The following ABCA13 variants were observed in gnomAD, a reference collection of about 807,000 sequenced individuals.
ABCA13 encodes the protein ATP-binding cassette sub-family A member 13.
Under a neutral mutation model 478.7 loss-of-function variants are expected in ABCA13, and 476 were observed. That is an observed-to-expected ratio of 0.99 (90% CI 0.92 to 1.07). The LOEUF (loss-of-function observed/expected upper bound fraction) is 1.07. Ranked by LOEUF, ABCA13 falls within the 50% of genes least tolerant of loss-of-function variation. The probability of loss-of-function intolerance (pLI) is 0.00; values close to 1 mark genes in which losing one functional copy is unlikely to be tolerated. For synonymous variants in ABCA13, 2,252 were observed against 2,158.9 expected, an observed-to-expected ratio of 1.04 and a Z score of -1.20; for missense variants, 6,060 against 5,910.6, an observed-to-expected ratio of 1.03 and a Z score of -0.83.
In ABCA13 at chr7:48,271,772, C is replaced by A. The variant is rs1795641759; in HGVS notation, c.2121-15C>A. The A allele has an allele frequency of 7.6e-7, 1 of 1,308,246 alleles. No homozygotes were observed. The allele number at this position is 1,308,246 out of a possible 1,614,324, so 81.0% of individuals were successfully genotyped here. A position where few individuals can be genotyped will look rare whatever the true frequency, so the allele number is the denominator to read the frequency against. ...TTTTTTATTTTATACTAAAATAATT[C>A]TATTAATATTACAGGGCTTTAAATT... On this transcript the variant is annotated splice_polypyrimidine_tract_variant and intron_variant, in intron 16 of 61. Coordinates refer to ENST00000435803, the MANE Select transcript of ABCA13 (RefSeq NM_152701.5).
At chr7:48,412,679 T>A in intron 41 of ABCA13, 96 bp downstream of exon 41, 28 of 494,148 alleles carry the variant, frequency 5.7e-5, no homozygotes, top group East Asian at 1.3e-4. Context: ...GAGATGTGGG[T>A]AAGGGGGAGG....
chr7:48,408,170 A>G (rs187239781), intron 39 of ABCA13, among the ~76,000 whole-genome samples: 1 of 152,332 alleles, frequency 6.6e-6, no homozygotes, highest in African/African-American at 2.4e-5. Context: ...ATAGATCTCT[A>G]GAATTTGTTC....
chr7:48,219,500 C>CT lies in ABCA13; in HGVS notation c.435dup (p.Pro146SerfsTer16). 1 of 1,608,516 alleles carries CT rather than the reference C, an allele frequency of 6.2e-7. No individual in the cohort carries two copies. Among genetic ancestry groups the CT allele is most frequent in the Non-Finnish European group, 8.5e-7 (1 of 1,178,282 alleles). On this transcript the variant is annotated frameshift_variant, in exon 4 of 62. Transcript: ENST00000435803. LOFTEE classifies it high-confidence loss of function. ...AGACTTTGGGTAGAACGATCCAACACTCCAGGCAAGTAAACCTCTCATAAC... is the reference window on the plus strand; with the variant it reads ...AGACTTTGGGTAGAACGATCCAACACTTCCAGGCAAGTAAACCTCTCATAAC...
At chr7:48,344,739 C>T (rs1452413355) in intron 29 of ABCA13, among the ~76,000 whole-genome samples, 2 of 152,280 alleles carry the variant, frequency 1.3e-5, no homozygotes, top group Non-Finnish European at 1.5e-5. Context: ...TTTGCCCATT[C>T]GTGTCCTGTC....
At chr7:48,617,884 G>C (rs570795327) in intron 59 of ABCA13, among the ~76,000 whole-genome samples, 178 of 152,200 alleles carry the variant, frequency 1.2e-3, no homozygotes, top group Non-Finnish European at 2.2e-3. Context: ...GAAAAATGAG[G>C]AGCCACAGAA....
rs774447079 is a variant in ABCA13, at chr7:48,272,081, G to C, written c.2415G>C (p.Gln805His). The change falls in exon 17 of 62, where the codon CAG becomes CAC. Residue 805 changes from glutamine to histidine, a missense_variant. Around this residue, in one of 3 missense-constraint regions of ABCA13, gnomAD observed 4,423 missense variants for 4,309.1 expected, o/e 1.03. Coordinates refer to ENST00000435803, the MANE Select transcript of ABCA13 (RefSeq NM_152701.5). ...GCAACGAAGTGATTTGGAAAATGCAGACTCTCGGAAGTCACTGGATAAGGA... is the reference window on the plus strand; with the variant it reads ...GCAACGAAGTGATTTGGAAAATGCACACTCTCGGAAGTCACTGGATAAGGA... ...EFGNEVIWKM[Q>H]TLGSHWIRKE... 1 of 1,613,718 alleles carries C rather than the reference G, an allele frequency of 6.2e-7. No homozygotes were observed. The highest frequency in any genetic ancestry group is 8.5e-7 in the Non-Finnish European group (1 of 1,179,758).
intron 2 of ABCA13, among the ~76,000 whole-genome samples, chr7:48,194,485 A>G (rs538505279): frequency 2.6e-5 from 4 of 152,034 alleles, no homozygotes; most frequent in Non-Finnish European, 5.9e-5. Context: ...CTGATAAACT[A>G]TTACTGGTAA....
At chr7:48,554,769 C>T (rs1490711374) in intron 55 of ABCA13, among the ~76,000 whole-genome samples, 1 of 150,648 alleles carries the variant, frequency 6.6e-6, no homozygotes, top group Non-Finnish European at 1.5e-5. Context: ...TTATCTGCAG[C>T]AAGGATAATT....
intron 15 of ABCA13, among the ~76,000 whole-genome samples, chr7:48,256,389 G>C (rs755122810): frequency 6.6e-5 from 10 of 152,086 alleles, no homozygotes; most frequent in Non-Finnish European, 1.3e-4. Flanking sequence ...TGTGCAGAAT[G>C]ATATTGCCTA....
intron 7 of ABCA13, 144 bp downstream of exon 7, chr7:48,230,099 A>T: frequency 9.3e-7 from 1 of 1,071,894 alleles, no homozygotes; most frequent in Non-Finnish European, 1.3e-6. Flanking sequence ...TTCTGTTAAT[A>T]CAAGACAAAA....
chr7:48,217,209 T>A (rs1475152687), intron 3 of ABCA13, among the ~76,000 whole-genome samples: 1 of 152,190 alleles, frequency 6.6e-6, no homozygotes, highest in Non-Finnish European at 1.5e-5. Flanking sequence ...CTCAGATCCT[T>A]CCTCTCTGGC....
At chr7:48,367,060 T>A (rs549429700) in intron 31 of ABCA13, among the ~76,000 whole-genome samples, 1 of 152,178 alleles carries the variant, frequency 6.6e-6, no homozygotes, top group South Asian at 2.1e-4. Context: ...TCAGAGAGTA[T>A]GTGGTGAGAA....
chr7:48,353,238 G>A (rs1043226771), intron 31 of ABCA13, among the ~76,000 whole-genome samples: 11 of 151,708 alleles, frequency 7.3e-5, no homozygotes, highest in Admixed American at 6.5e-4. Flanking sequence ...GTGGGCTGTG[G>A]GGCTCAGCCT....
chr7:48,384,653 A>T (rs961444085), intron 35 of ABCA13, among the ~76,000 whole-genome samples: 6 of 152,050 alleles, frequency 3.9e-5, no homozygotes, highest in Admixed American at 6.6e-5. Context: ...CTACAGAGGG[A>T]TGGTTTTTGC....
At chr7:48,463,882 G>A (rs114439337) in intron 43 of ABCA13, among the ~76,000 whole-genome samples, 2,632 of 152,176 alleles carry the variant, frequency 0.017, 78 homozygotes, top group African/African-American at 0.06. Flanking sequence ...GAGGAAGGAA[G>A]GGGAGAGTGT....
intron 15 of ABCA13, among the ~76,000 whole-genome samples, chr7:48,263,845 A>G (rs1008792952): frequency 4.6e-5 from 7 of 151,854 alleles, no homozygotes; most frequent in Non-Finnish European, 1.0e-4. Flanking sequence ...AATGTGTAGT[A>G]ATCACATCCA....
chr7:48,202,658 C>T (rs1798943769), intron 3 of ABCA13, among the ~76,000 whole-genome samples: 1 of 151,798 alleles, frequency 6.6e-6, no homozygotes, highest in Non-Finnish European at 1.5e-5. Context: ...TCTCCAAGGC[C>T]CCACCTGAGC....
At chr7:48,537,336 G>A (rs1166096657) in intron 55 of ABCA13, among the ~76,000 whole-genome samples, 3 of 152,094 alleles carry the variant, frequency 2.0e-5, no homozygotes, top group Non-Finnish European at 4.4e-5. Flanking sequence ...TCCTAAAAAT[G>A]TAATAAATCA....
At chr7:48,473,355 G>A (rs1447787114) in intron 45 of ABCA13, among the ~76,000 whole-genome samples, 3 of 152,150 alleles carry the variant, frequency 2.0e-5, no homozygotes, top group Non-Finnish European at 4.4e-5. Context: ...GGAAAGGAAT[G>A]TGCTCACTGG....
Sources: allele counts gnomAD v4.1 joint callset (sites outside exome capture counted in the v4.1 genomes callset), GRCh38; gene constraint gnomAD v4.1.1; regional missense constraint gnomAD v4.1.1; transcripts MANE v1.5; gene names NCBI Gene and HGNC (gene_info 2026-07-23, HGNC 2026-07-21).